The following ABR variants were observed in gnomAD, a reference collection of about 807,000 sequenced individuals.
The protein encoded by ABR is ABR activator of RhoGEF and GTPase.
In ABR, 35 loss-of-function variants were observed where a neutral mutation model predicts 107.2. The ratio of observed to expected loss-of-function variants is 0.33; its 90% confidence interval spans 0.25 to 0.43. The LOEUF is 0.43. ABR is among the 20% of genes least tolerant of loss of function. The probability of loss-of-function intolerance (pLI) is 1.00; values close to 1 mark genes in which losing one functional copy is unlikely to be tolerated. For synonymous variants in ABR, 498 were observed against 462.0 expected (o/e 1.08, Z -1.00); for missense variants, 815 against 1,115.2 (o/e 0.73, Z 3.83).
At chr17:1,153,566 AG>A (rs1402991563) in intron 1 of ABR, among the ~76,000 whole-genome samples, 1 of 100,534 alleles carries the variant, frequency 9.9e-6, no homozygotes, top group Non-Finnish European at 2.1e-5. Context: ...CTGGGGGTCC[AG>A]GCACACCTGC....
At position 1,078,104 on chromosome 17, in the gene ABR, G is replaced by GGTGTGTGT. The variant is rs34146750; in HGVS notation, c.700+1218_700+1225dup. Among the ~76,000 whole-genome samples the GGTGTGTGT allele has an allele frequency of 2.0e-4, 29 of 148,482 alleles. No homozygotes were observed. The highest frequency in any genetic ancestry group is 1.3e-3 in the South Asian group (6 of 4,644). On this transcript the variant is annotated intron_variant, in intron 6 of 22. Coordinates refer to ENST00000302538, the MANE Select transcript of ABR (RefSeq NM_021962.5). This position sits in a 1 kb window ranked among gnomAD's most constrained non-coding sequence, Gnocchi z 7.5. ...GTCCGGGTCCCTTCCACCGAAAGGT[G>GGTGTGTGT]GTGTGTGTGTGTGTGTGTGTGTGTG...
intron 21 of ABR, 110 bp from the exon 22 acceptor site, chr17:1,007,422 C>G: frequency 4.5e-6 from 6 of 1,325,728 alleles, no homozygotes; most frequent in Non-Finnish European, 6.2e-6. Context: ...TGGAAGGGGT[C>G]ACCTCGTCTC....
chr17:1,024,046 A>AAAAAAAAAAAAAC, intron 16 of ABR, among the ~76,000 whole-genome samples: 1 of 150,380 alleles, frequency 6.6e-6, no homozygotes, highest in Non-Finnish European at 1.5e-5. Context: ...AAAAAAAAAA[A>AAAAAAAAAAAAAC]AAAGCAGCAT....
At chr17:1,162,749 G>C (rs1305750283) in intron 1 of ABR, among the ~76,000 whole-genome samples, 2 of 150,446 alleles carry the variant, frequency 1.3e-5, no homozygotes, top group East Asian at 2.0e-4. Context: ...GCTAGGCCAA[G>C]CACCCCGGCT....
intron 1 of ABR, among the ~76,000 whole-genome samples, chr17:1,186,523 C>G (rs1027401483): frequency 4.6e-5 from 7 of 152,232 alleles, no homozygotes; most frequent in Non-Finnish European, 8.8e-5. Flanking sequence ...GTGACACTCC[C>G]CACACGCCCC....
intron 16 of ABR, among the ~76,000 whole-genome samples, chr17:1,031,411 G>A (rs1302904259): frequency 6.6e-6 from 1 of 152,142 alleles, no homozygotes; most frequent in Non-Finnish European, 1.5e-5. Context: ...CCGGGTGGGG[G>A]CGGCCCCAGC....
chr17:1,024,024 C>CAAAAAAAAAAAAAAAAAAAAAAAA (rs11334940), intron 16 of ABR, among the ~76,000 whole-genome samples: 9 of 47,678 alleles, frequency 1.9e-4, no homozygotes, highest in Admixed American at 8.2e-4. Flanking sequence ...GACTCCATCT[C>CAAAAAAAAAAAAAAAAAAAAAAAA]AAAAAAAAAA....
chr17:1,079,271 G>A (rs1233038330), intron 6 of ABR, 59 bp downstream of exon 6: 1 of 1,582,442 alleles, frequency 6.3e-7, no homozygotes, highest in Non-Finnish European at 8.6e-7. Flanking sequence ...CACGCAGCCT[G>A]TTGCCTGCAC....
chr17:1,112,098 C>T (rs2038705650), intron 2 of ABR, among the ~76,000 whole-genome samples: 1 of 152,210 alleles, frequency 6.6e-6, no homozygotes, highest in Admixed American at 6.5e-5. Flanking sequence ...GAGCCTCTTA[C>T]ACCCACACGA....
chr17:1,029,604 G>A (rs1012572222), intron 16 of ABR, among the ~76,000 whole-genome samples: 2 of 152,104 alleles, frequency 1.3e-5, no homozygotes, highest in Admixed American at 6.6e-5. Flanking sequence ...GCAGTACCAG[G>A]CACCCTTCCC....
intron 1 of ABR, among the ~76,000 whole-genome samples, chr17:1,136,753 G>A (rs1050179986): frequency 2.0e-5 from 3 of 152,168 alleles, no homozygotes; most frequent in Admixed American, 6.5e-5. Context: ...AGAGTGCGAG[G>A]GCCTTGCTCT....
chr17:1,042,266 A>G (rs1781761130), intron 16 of ABR, among the ~76,000 whole-genome samples: 1 of 151,862 alleles, frequency 6.6e-6, no homozygotes, highest in South Asian at 2.1e-4. Context: ...ATGGATAAAC[A>G]GACGTGGCAC....
chr17:1,061,278 G>C (rs1162526556), intron 10 of ABR, among the ~76,000 whole-genome samples: 1 of 151,822 alleles, frequency 6.6e-6, no homozygotes, highest in Non-Finnish European at 1.5e-5. Flanking sequence ...GGGCGGGTGG[G>C]AAACAGGCAC....
Position 1,088,777 on chromosome 17 carries a change from C to T in ABR, c.531+2888G>A, listed in dbSNP as rs193228490. ...CTAATTTTTGTATTTTTAGTAGAAA[C>T]GGGGTTTCACCATGTTGGCCAAGCT... On this transcript the variant is annotated intron_variant, in intron 4 of 22. Coordinates refer to ENST00000302538, the MANE Select transcript of ABR (RefSeq NM_021962.5). Among the ~76,000 whole-genome samples, 893 of 151,730 alleles carry T rather than the reference C, an allele frequency of 5.9e-3. 8 individuals are homozygous for T. The highest frequency in any genetic ancestry group is 0.02 in the African/African-American group (828 of 41,330).
intron 1 of ABR, among the ~76,000 whole-genome samples, chr17:1,167,113 C>G (rs1205617058): frequency 6.6e-6 from 1 of 152,124 alleles, no homozygotes; most frequent in African/African-American, 2.4e-5. Flanking sequence ...CCGTGATACC[C>G]CAGTGATTTA....
At chr17:1,031,407 G>T (rs1235151283) in intron 16 of ABR, among the ~76,000 whole-genome samples, 1 of 152,164 alleles carries the variant, frequency 6.6e-6, no homozygotes, top group Non-Finnish European at 1.5e-5. Context: ...GGGTCCGGGT[G>T]GGGGCGGCCC....
intron 16 of ABR, among the ~76,000 whole-genome samples, chr17:1,046,987 C>T (rs887476206): frequency 1.4e-4 from 21 of 152,242 alleles, no homozygotes; most frequent in Non-Finnish European, 2.9e-4. Context: ...CACCCCACCC[C>T]GCCGCTGAGA....
chr17:1,020,161 G>A (rs1375757391), intron 16 of ABR, among the ~76,000 whole-genome samples: 1 of 152,068 alleles, frequency 6.6e-6, no homozygotes, highest in Non-Finnish European at 1.5e-5. Flanking sequence ...TCAGCTCACT[G>A]CAACCTCCAC....
chr17:1,203,429 C>CGCGGGGGCGGGGCCT (rs1300685387), intron 1 of ABR, among the ~76,000 whole-genome samples: 1 of 6,058 alleles, frequency 1.7e-4, no homozygotes, highest in Non-Finnish European at 4.4e-4. Flanking sequence ...GGGCGGGGCC[C>CGCGGGGGCGGGGCCT]GCGGGGACGG....
Sources: allele counts gnomAD v4.1 joint callset (sites outside exome capture counted in the v4.1 genomes callset), GRCh38; gene constraint gnomAD v4.1.1; non-coding constraint Gnocchi (gnomAD v3.1); transcripts MANE v1.5; gene names NCBI Gene and HGNC (gene_info 2026-07-23, HGNC 2026-07-21).